ZNF215: variants seen among roughly 807,000 people sequenced by gnomAD.
ZNF215 encodes the protein BWSCR2-associated zinc finger protein 2.
ZNF215 carries 24 observed loss-of-function variants against 27.2 expected under a neutral mutation model. The ratio of observed to expected loss-of-function variants is 0.88; its 90% confidence interval spans 0.64 to 1.24. The LOEUF is 1.24. Among genes scored for constraint, ZNF215 ranks in the 50% most tolerant of loss-of-function variants. ZNF215 has a pLI of 0.00. For missense variants in ZNF215, 675 were observed against 605.7 expected (o/e 1.11, Z -1.20); for synonymous variants, 210 against 204.0 (o/e 1.03, Z -0.25).
rs546887661 is a variant in ZNF215 at position 6,957,758 on chromosome 11, T to C, written c.*1227T>C. The C allele has an allele frequency of 2.9e-5, 29 of 985,452 alleles. No individual in the cohort carries two copies. In the African/African-American group the frequency reaches 4.5e-4, roughly 15 times the overall value. The allele number at this position is 985,452 out of a possible 1,614,324, so 61.0% of individuals were successfully genotyped here. On this transcript the variant is annotated 3_prime_UTR_variant, in exon 7 of 7. Coordinates refer to ENST00000278319, the MANE Select transcript of ZNF215 (RefSeq NM_013250.4). ...GCAGACTTACTGTACCTTTGGGAAT[T>C]TAGGCTGGAGAGACGTCCATAGCCT...
chr11:6,986,500 C>CA (rs34747286), downstream of ZNF215, among the ~76,000 whole-genome samples: 39,633 of 151,676 alleles, frequency 0.26, 6,060 homozygotes, highest in East Asian at 0.62. Flanking sequence ...CCTCTTGCAA[C>CA]AAACCAAAAA....
chr11:6,948,559 G>T (rs1405055381), intron 6 of ZNF215, among the ~76,000 whole-genome samples: 1 of 152,096 alleles, frequency 6.6e-6, no homozygotes, highest in Non-Finnish European at 1.5e-5. Flanking sequence ...GATGACTTCA[G>T]TCTCTCATTT....
chr11:6,942,186 G>C (rs750667573), intron 4 of ZNF215, among the ~76,000 whole-genome samples: 1 of 152,210 alleles, frequency 6.6e-6, no homozygotes, highest in African/African-American at 2.4e-5. Flanking sequence ...AAGAGGAAGT[G>C]AGGAAGCAGA....
Position 6,927,774 on chromosome 11 carries a change from G to T in ZNF215, c.-213G>T, listed in dbSNP as rs1280042647. 1 of 152,128 alleles carries T rather than the reference G, an allele frequency of 6.6e-6. No individual in the cohort carries two copies. Among genetic ancestry groups the T allele is most frequent in the Non-Finnish European group, 1.5e-5 (1 of 68,036 alleles). The allele number at this position is 152,128 out of a possible 1,614,324, so 9.4% of individuals were successfully genotyped here. Reference sequence around the variant, plus strand: ...CTAAATGCAGCATGCCATCCTGAACGTCTCTCCCTGTCCTAGCTCTGTAAC... The same window carrying T: ...CTAAATGCAGCATGCCATCCTGAACTTCTCTCCCTGTCCTAGCTCTGTAAC... On this transcript the variant is annotated 5_prime_UTR_variant, in exon 2 of 7. Coordinates refer to ENST00000278319, the MANE Select transcript of ZNF215 (RefSeq NM_013250.4).
intron 6 of ZNF215, among the ~76,000 whole-genome samples, chr11:6,948,196 T>C (rs1453750096): frequency 6.6e-6 from 1 of 152,210 alleles, no homozygotes. Flanking sequence ...ACAAAATATT[T>C]GTGTTCTTCT....
intron 5 of ZNF215, among the ~76,000 whole-genome samples, chr11:6,966,878 G>A (rs774223132): frequency 2.6e-5 from 4 of 151,718 alleles, no homozygotes; most frequent in Admixed American, 1.3e-4. Flanking sequence ...TGTTACATAC[G>A]TATACACGTG....
chr11:6,951,449 T>G (rs978567228), intron 6 of ZNF215, among the ~76,000 whole-genome samples: 5 of 152,154 alleles, frequency 3.3e-5, no homozygotes, highest in Admixed American at 2.0e-4. Context: ...GCTTCTTCCT[T>G]GTTTAGTCTT....
Position 6,927,779 on chromosome 11 carries a change from TC to T in ZNF215, c.-205del, listed in dbSNP as rs1849108641. The T allele has an allele frequency of 2.0e-5, 3 of 152,254 alleles. No homozygotes were observed. The highest frequency in any genetic ancestry group is 4.8e-5 in the African/African-American group (2 of 41,468). The allele number at this position is 152,254 out of a possible 1,614,324, so 9.4% of individuals were successfully genotyped here. ...TGCAGCATGCCATCCTGAACGTCTC[TC>T]CCTGTCCTAGCTCTGTAACTGTTTA... On this transcript the variant is annotated 5_prime_UTR_variant, in exon 2 of 7. An upstream open reading frame in the 5' UTR gains an earlier in-frame stop. Transcript: ENST00000278319.
chr11:6,946,898 T>A (rs1212128195), intron 6 of ZNF215, among the ~76,000 whole-genome samples: 3 of 152,136 alleles, frequency 2.0e-5, no homozygotes, highest in Non-Finnish European at 4.4e-5. Context: ...AAGGTAAAAA[T>A]TATTTTTTGG....
downstream of ZNF215, among the ~76,000 whole-genome samples, chr11:6,989,826 A>G (rs952225341): frequency 1.3e-5 from 2 of 152,162 alleles, no homozygotes; most frequent in Non-Finnish European, 1.5e-5. Context: ...TTCAATTCCC[A>G]TGGACCCTCA....
intron 5 of ZNF215, among the ~76,000 whole-genome samples, chr11:6,969,242 G>C (rs1196564517): frequency 6.6e-6 from 1 of 152,096 alleles, no homozygotes; most frequent in Non-Finnish European, 1.5e-5. Context: ...GGATAAACTT[G>C]TAAGCTGTGA....
At chr11:6,935,571 T>C (rs562907933) in intron 3 of ZNF215, among the ~76,000 whole-genome samples, 1 of 152,028 alleles carries the variant, frequency 6.6e-6, no homozygotes, top group South Asian at 2.1e-4. Context: ...TCAAAATATA[T>C]GAAGCAAATA....
At chr11:6,953,679 A>T (rs1383966995) in intron 6 of ZNF215, among the ~76,000 whole-genome samples, 1 of 152,154 alleles carries the variant, frequency 6.6e-6, no homozygotes, top group African/African-American at 2.4e-5. Flanking sequence ...CTTTGGTTTG[A>T]ATTTCCTCCT....
In ZNF215 at chr11:6,941,643, G is replaced by A; in HGVS notation, c.473G>A (p.Gly158Asp). 6.2e-7 allele frequency: 1 copy of A among 1,613,918 alleles called. No homozygotes were observed. Among genetic ancestry groups the A allele is most frequent in the East Asian group, 2.2e-5 (1 of 44,860 alleles). ...KEKMKAGSRT[G>D]KPQEPVTFKD... ...AAAATGAAAGCTGGCTCACGAACAG[G>A]CAAACCACAGGTGAATTAGGATTCT... The change falls in exon 4 of 7, where the codon GGC (glycine) becomes GAC (aspartate). Residue 158 changes from glycine to aspartate, a missense_variant. Transcript: ENST00000278319.
At chr11:6,992,592 G>A (rs1447693307), downstream of ZNF215, among the ~76,000 whole-genome samples, 3 of 152,202 alleles carry the variant, frequency 2.0e-5, no homozygotes, top group East Asian at 3.8e-4. Context: ...CTGACAGATC[G>A]TGCTGTGCCA....
chr11:6,953,321 G>C (rs1160984693), intron 6 of ZNF215, among the ~76,000 whole-genome samples: 1 of 152,172 alleles, frequency 6.6e-6, no homozygotes, highest in Non-Finnish European at 1.5e-5. Context: ...AAAATGTCTT[G>C]CAGAGTGTTT....
intron 5 of ZNF215, among the ~76,000 whole-genome samples, chr11:6,964,204 G>A (rs752783889): frequency 6.6e-6 from 1 of 151,806 alleles, no homozygotes; most frequent in Non-Finnish European, 1.5e-5. Flanking sequence ...GTCATTATTG[G>A]ATATGTATTT....
intron 5 of ZNF215, among the ~76,000 whole-genome samples, chr11:6,983,744 A>C (rs1375275300): frequency 6.6e-6 from 1 of 152,150 alleles, no homozygotes; most frequent in East Asian, 1.9e-4. Flanking sequence ...CCAAAAATAA[A>C]CTGGGAGAAA....
intron 6 of ZNF215, 54 bp downstream of exon 6, chr11:6,943,695 TACAG>T: frequency 2.9e-6 from 4 of 1,361,178 alleles, no homozygotes; most frequent in East Asian, 2.3e-5. Context: ...TTCCTAAACA[TACAG>T]ACAATGTGCA....
Sources: gnomAD v4.1 joint callset for allele counts (sites outside exome capture counted in the v4.1 genomes callset) on GRCh38, gnomAD v4.1.1 for gene constraint, MANE v1.5 for transcripts, NCBI Gene and HGNC (gene_info 2026-07-23, HGNC 2026-07-21) for gene names.